Variants in ASAP1 observed in about 807,000 individuals in gnomAD.
ASAP1 encodes the protein ArfGAP with SH3 domain, ankyrin repeat and PH domain 1, also known as arf-GAP with SH3 domain, ANK repeat and PH domain-containing protein 1.
Under a neutral mutation model 145.2 loss-of-function variants are expected in ASAP1, and 43 were observed. The observed-to-expected ratio is 0.30, with a 90% CI of 0.23 to 0.38. The LOEUF is 0.38. Among genes scored for constraint, ASAP1 ranks in the 10% least tolerant of loss-of-function variants. The pLI is 1.00. For synonymous variants in ASAP1, 546 were observed against 515.5 expected, an observed-to-expected ratio of 1.06 and a Z score of -0.80; for missense variants, 1,018 against 1,355.3, an observed-to-expected ratio of 0.75 and a Z score of 3.91.
At position 130,112,258 on chromosome 8, in the gene ASAP1, G is replaced by C. The variant is rs539450703; in HGVS notation, c.2237C>G (p.Ser746Cys). The change falls in exon 24 of 30, where the codon TCC becomes TGC. Residue 746 changes from serine (S) to cysteine (C), a missense_variant. This residue lies in a region of ASAP1 where 353 missense variants were observed against 375.4 expected (regional missense o/e 0.94). Coordinates refer to ENST00000518721, the MANE Select transcript of ASAP1 (RefSeq NM_018482.4). Reference sequence around the variant, plus strand: ...TGGCAGTGCCAGCTTGTCCTGGGGGGAGATGCTGGAGGAGTGGCAGAAGCT... The same window carrying C: ...TGGCAGTGCCAGCTTGTCCTGGGGGCAGATGCTGGAGGAGTGGCAGAAGCT... ...PQSFCHSSSI[S>C]PQDKLALPGF... 2.5e-5 allele frequency: 41 copies of C among 1,614,114 alleles called. No homozygotes were observed. Among genetic ancestry groups the C allele is most frequent in the Non-Finnish European group, 3.4e-5 (40 of 1,180,050 alleles).
intron 4 of ASAP1, among the ~76,000 whole-genome samples, chr8:130,233,540 T>G (rs931650307): frequency 6.6e-6 from 1 of 152,228 alleles, no homozygotes; most frequent in African/African-American, 2.4e-5. Context: ...ATTGGCTTGT[T>G]TGGCTTAGCC....
chr8:130,261,378 G>A (rs1201500433), intron 3 of ASAP1, among the ~76,000 whole-genome samples: 1 of 152,222 alleles, frequency 6.6e-6, no homozygotes, highest in African/African-American at 2.4e-5. Context: ...CTGCCTATAT[G>A]CTACTTGCAC....
chr8:130,392,014 A>C (rs1828308071), intron 2 of ASAP1, among the ~76,000 whole-genome samples: 1 of 152,198 alleles, frequency 6.6e-6, no homozygotes, highest in Non-Finnish European at 1.5e-5. Flanking sequence ...GGGAGCGCCT[A>C]ATCTATAGCA....
intron 1 of ASAP1, among the ~76,000 whole-genome samples, chr8:130,440,425 T>C (rs1830452091): frequency 1.3e-5 from 2 of 151,100 alleles, no homozygotes; most frequent in African/African-American, 2.4e-5. Flanking sequence ...GAGAATCACC[T>C]GAACCCAGGA....
intron 27 of ASAP1, among the ~76,000 whole-genome samples, chr8:130,072,676 T>C (rs1244225689): frequency 2.0e-5 from 3 of 152,062 alleles, no homozygotes; most frequent in South Asian, 2.1e-4. Flanking sequence ...GTAAATGTGT[T>C]TCCCTGAGTT....
At chr8:130,183,930 A>T (rs1814541323) in intron 7 of ASAP1, among the ~76,000 whole-genome samples, 1 of 152,190 alleles carries the variant, frequency 6.6e-6, no homozygotes, top group South Asian at 2.1e-4. Flanking sequence ...TGTCTCCAGG[A>T]AAGAAGAAGC....
chr8:130,129,724 A>T (rs1366136276), intron 15 of ASAP1, among the ~76,000 whole-genome samples: 1 of 152,174 alleles, frequency 6.6e-6, no homozygotes, highest in Non-Finnish European at 1.5e-5. Context: ...GGAGTATGTG[A>T]ACTATGCAAG....
At chr8:130,173,854 C>T (rs1337746368) in intron 9 of ASAP1, among the ~76,000 whole-genome samples, 5 of 151,424 alleles carry the variant, frequency 3.3e-5, no homozygotes, top group African/African-American at 1.2e-4. Context: ...GGGTAGATTG[C>T]CTGAGCTCAG....
intron 3 of ASAP1, among the ~76,000 whole-genome samples, chr8:130,316,457 T>A (rs1823668252): frequency 6.6e-6 from 1 of 152,210 alleles, no homozygotes; most frequent in Non-Finnish European, 1.5e-5. Flanking sequence ...AGTACTAGAA[T>A]CCTGGTTTTT....
chr8:130,366,607 A>G (rs1826959988), intron 2 of ASAP1, among the ~76,000 whole-genome samples: 1 of 152,166 alleles, frequency 6.6e-6, no homozygotes, highest in Non-Finnish European at 1.5e-5. Context: ...TAACCTTTCT[A>G]GGGGCTAAGA....
At chr8:130,383,300 T>C (rs1827864239) in intron 2 of ASAP1, among the ~76,000 whole-genome samples, 1 of 152,180 alleles carries the variant, frequency 6.6e-6, no homozygotes. Context: ...CTGCAGCCAG[T>C]GAGCGTGGGT....
intron 3 of ASAP1, among the ~76,000 whole-genome samples, chr8:130,246,480 C>T (rs1027182555): frequency 6.6e-6 from 1 of 152,026 alleles, no homozygotes; most frequent in Non-Finnish European, 1.5e-5. Context: ...ATTCTGTTAT[C>T]ATAATAGTGA....
intron 2 of ASAP1, among the ~76,000 whole-genome samples, chr8:130,390,941 C>CCA (rs1554902166): frequency 8.2e-6 from 1 of 121,924 alleles, no homozygotes; most frequent in Non-Finnish European, 2.0e-5. Flanking sequence ...TATCCCCCGC[C>CCA]CCCCCAAAAT....
chr8:130,108,764 T>TG (rs2097541791), intron 24 of ASAP1, among the ~76,000 whole-genome samples: 1 of 68,950 alleles, frequency 1.5e-5, no homozygotes, highest in African/African-American at 5.1e-5. Context: ...CCAGTTTTTT[T>TG]TTTTTTTTTT....
At chr8:130,415,208 C>T (rs34721076) in intron 1 of ASAP1, among the ~76,000 whole-genome samples, 23,705 of 152,210 alleles carry the variant, frequency 0.16, 2,224 homozygotes, top group Admixed American at 0.24. Context: ...CTGGGGATGC[C>T]TTTTAAACTA....
intron 4 of ASAP1, among the ~76,000 whole-genome samples, chr8:130,219,753 T>G (rs890704136): frequency 6.6e-6 from 1 of 152,218 alleles, no homozygotes; most frequent in Admixed American, 6.5e-5. Context: ...AAGAAACTTC[T>G]GGCATCCACG....
At chr8:130,388,816 A>G (rs1828141500) in intron 2 of ASAP1, among the ~76,000 whole-genome samples, 3 of 152,172 alleles carry the variant, frequency 2.0e-5, no homozygotes, top group African/African-American at 7.2e-5. Flanking sequence ...GGATGAAAGG[A>G]TCATCTTAAC....
At chr8:130,354,491 C>G (rs1826187066) in intron 3 of ASAP1, among the ~76,000 whole-genome samples, 1 of 152,144 alleles carries the variant, frequency 6.6e-6, no homozygotes, top group Non-Finnish European at 1.5e-5. Flanking sequence ...GACTCTCTCT[C>G]TGACAAAGGT....
At chr8:130,083,183 C>T (rs550514607) in intron 25 of ASAP1, 4 of 152,364 alleles carry the variant, frequency 2.6e-5, no homozygotes, top group African/African-American at 9.6e-5. Context: ...CCAATACCCA[C>T]AGGCCCAAAT....
Sources: gnomAD v4.1 joint callset for allele counts (sites outside exome capture counted in the v4.1 genomes callset) on GRCh38, gnomAD v4.1.1 for gene constraint, gnomAD v4.1.1 regional missense constraint, MANE v1.5 for transcripts, NCBI Gene and HGNC (gene_info 2026-07-23, HGNC 2026-07-21) for gene names.